Variants in SOD2 observed in about 807,000 individuals in gnomAD.
SOD2 encodes superoxide dismutase 2.
In SOD2, 11 loss-of-function variants were observed where a neutral mutation model predicts 27.0. The ratio of observed to expected loss-of-function variants is 0.41; its 90% confidence interval spans 0.26 to 0.67. SOD2 has a LOEUF of 0.67. SOD2 is among the 30% of genes least tolerant of loss of function. The pLI, the probability that SOD2 is intolerant of heterozygous loss-of-function variation, is 0.34. For synonymous variants in SOD2, 105 were observed against 103.0 expected (o/e 1.02, Z -0.12); for missense variants, 250 against 274.5 (o/e 0.91, Z 0.63).
chr6:159,743,723 G>A (rs1230687873), intron 1 of SOD2: 1 of 1,613,724 alleles, frequency 6.2e-7, no homozygotes, highest in Non-Finnish European at 8.5e-7. Flanking sequence ...AACAGCAGGA[G>A]TCTGCACGCA....
intron 1 of SOD2, among the ~76,000 whole-genome samples, chr6:159,716,526 CTCTGA>C (rs890357624): frequency 6.6e-6 from 1 of 152,180 alleles, no homozygotes; most frequent in Non-Finnish European, 1.5e-5. Flanking sequence ...GAGAGATTTC[CTCTGA>C]TCCCAGCCAG....
At position 159,679,024 on chromosome 6, in the gene SOD2, T is replaced by C. The variant is rs1328632996; in HGVS notation, c.*3469A>G. On this transcript the variant is annotated 3_prime_UTR_variant, in exon 5 of 5. Transcript: ENST00000538183. ...AGAGTAATATTTCAACTACCCATTA[T>C]TTACTATTCCTTTCCCATGGAAACT... The C allele has an allele frequency of 6.6e-6, 1 of 152,246 alleles. No homozygotes were observed. Among genetic ancestry groups the C allele is most frequent in the East Asian group, 1.9e-4 (1 of 5,204 alleles). The allele number at this position is 152,246 out of a possible 1,614,324, so 9.4% of individuals were successfully genotyped here. A position where few individuals can be genotyped will look rare whatever the true frequency, so the allele number is the denominator to read the frequency against.
intron 1 of SOD2, among the ~76,000 whole-genome samples, chr6:159,712,625 A>G (rs555602570): frequency 5.0e-5 from 7 of 140,370 alleles, no homozygotes; most frequent in Non-Finnish European, 7.9e-5. Flanking sequence ...TCTGACCTCC[A>G]TAACCACCTC....
chr6:159,708,072 T>A (rs1023852714), intron 1 of SOD2, among the ~76,000 whole-genome samples: 24 of 152,210 alleles, frequency 1.6e-4, no homozygotes, highest in Non-Finnish European at 2.8e-4. Context: ...TCAACAGCCC[T>A]TCATGCTAAA....
At chr6:159,713,105 T>C in intron 1 of SOD2, 1 of 809,524 alleles carries the variant, frequency 1.2e-6, no homozygotes, top group Non-Finnish European at 1.9e-6. Context: ...AGTGGCTCTG[T>C]AAGGTAAACC....
chr6:159,755,910 A>C (rs890626512), intron 1 of SOD2: 10 of 305,176 alleles, frequency 3.3e-5, no homozygotes, highest in Middle Eastern at 1.1e-3. Flanking sequence ...TTGTAAATGG[A>C]AATTTTTCCT....
At position 159,674,415 on chromosome 6, in the gene SOD2, A is replaced by G. The variant is rs1582995151; in HGVS notation, c.*8078T>C. 2 of 152,246 alleles carry G rather than the reference A, an allele frequency of 1.3e-5. No homozygotes were observed. The highest frequency in any genetic ancestry group is 2.9e-5 in the Non-Finnish European group (2 of 68,034). The allele number at this position is 152,246 out of a possible 1,614,324, so 9.4% of individuals were successfully genotyped here. ...TATCCACCATGATCAAGTGGGCTTCATCCCTGGGATGCAAGGCTGGTTCAA... is the reference window on the plus strand; with the variant it reads ...TATCCACCATGATCAAGTGGGCTTCGTCCCTGGGATGCAAGGCTGGTTCAA... On this transcript the variant is annotated 3_prime_UTR_variant, in exon 5 of 5. Coordinates refer to ENST00000538183, the MANE Select transcript of SOD2 (RefSeq NM_000636.4).
At chr6:159,726,913 T>A in intron 1 of SOD2, 1 of 1,288,858 alleles carries the variant, frequency 7.8e-7, no homozygotes, top group Non-Finnish European at 1.0e-6. Flanking sequence ...TCTCTTGAGG[T>A]GGCACCTGGT....
At chr6:159,747,205 T>C (rs1318150054), upstream of SOD2, among the ~76,000 whole-genome samples, 1 of 152,200 alleles carries the variant, frequency 6.6e-6, no homozygotes, top group Non-Finnish European at 1.5e-5. Context: ...TTAATGCTAA[T>C]AACTATATTT....
At chr6:159,690,821 G>A (rs1351769335) in intron 2 of SOD2, 2 of 151,972 alleles carry the variant, frequency 1.3e-5, no homozygotes, top group Non-Finnish European at 2.9e-5. Context: ...TAAAAATTGA[G>A]GGCTTAATAT....
chr6:159,698,199 G>C (rs776499570), upstream of SOD2, among the ~76,000 whole-genome samples: 1 of 152,152 alleles, frequency 6.6e-6, no homozygotes, highest in Non-Finnish European at 1.5e-5. Context: ...CTTGAACCCG[G>C]GAGGCGGCAG....
chr6:159,686,593 G>C (rs1185195115), intron 3 of SOD2, among the ~76,000 whole-genome samples: 1 of 152,150 alleles, frequency 6.6e-6, no homozygotes, highest in Non-Finnish European at 1.5e-5. Context: ...AGGCTGCAGT[G>C]AGCCAAGATC....
upstream of SOD2, among the ~76,000 whole-genome samples, chr6:159,697,508 G>A (rs898765231): frequency 1.3e-5 from 2 of 152,168 alleles, no homozygotes; most frequent in African/African-American, 2.4e-5. Context: ...GCAAAATTAC[G>A]ATTAGATTGC....
At chr6:159,759,076 T>G (rs934888111) in intron 1 of SOD2, among the ~76,000 whole-genome samples, 1 of 151,100 alleles carries the variant, frequency 6.6e-6, no homozygotes, top group East Asian at 2.0e-4. Context: ...TTTTTTTTTT[T>G]GAGATGGAGT....
At chr6:159,729,042 A>G (rs1778402222), upstream of SOD2, among the ~76,000 whole-genome samples, 1 of 152,124 alleles carries the variant, frequency 6.6e-6, no homozygotes. Context: ...ATTTTTGTGT[A>G]TTGTTTGTCA....
chr6:159,693,457 G>GGCTA (rs1419678390), upstream of SOD2: 2 of 158,570 alleles, frequency 1.3e-5, no homozygotes, highest in African/African-American at 4.8e-5. Flanking sequence ...GGAGGCTGCA[G>GGCTA]GCTAGCCTCG....
chr6:159,705,876 G>A (rs1777616554), intron 1 of SOD2, among the ~76,000 whole-genome samples: 1 of 152,156 alleles, frequency 6.6e-6, no homozygotes, highest in Admixed American at 6.6e-5. Flanking sequence ...AGAAAGGTCG[G>A]GTTACCCACA....
intron 1 of SOD2, among the ~76,000 whole-genome samples, chr6:159,700,791 G>A (rs1777511067): frequency 6.6e-6 from 1 of 152,130 alleles, no homozygotes; most frequent in South Asian, 2.1e-4. Context: ...CACTTTGAAA[G>A]TAATGCTTAA....
upstream of SOD2, among the ~76,000 whole-genome samples, chr6:159,728,768 G>C (rs1369549633): frequency 6.6e-6 from 1 of 152,188 alleles, no homozygotes; most frequent in African/African-American, 2.4e-5. Flanking sequence ...CTTGTGATAA[G>C]GTTGAGGTTA....
Sources: allele counts gnomAD v4.1 joint callset (sites outside exome capture counted in the v4.1 genomes callset), GRCh38; gene constraint gnomAD v4.1.1; transcripts MANE v1.5; gene names NCBI Gene and HGNC (gene_info 2026-07-23, HGNC 2026-07-21).